The following NPRL3 variants were observed in gnomAD, a reference collection of about 807,000 sequenced individuals.
NPRL3 encodes the protein NPR3 like, GATOR1 complex subunit.
In NPRL3, 23 loss-of-function variants were observed where a neutral mutation model predicts 57.2. The observed-to-expected ratio is 0.40, with a 90% confidence interval of 0.29 to 0.57. NPRL3 has a LOEUF of 0.57. NPRL3 is among the 20% of genes least tolerant of loss of function. NPRL3 has a pLI of 0.42. For missense variants in NPRL3, 691 were observed against 767.1 expected (o/e 0.90, Z 1.17); for synonymous variants, 333 against 321.1 (o/e 1.04, Z -0.39).
In NPRL3 at chr16:89,700, C is replaced by T; in HGVS notation, c.1351+13G>A. On this transcript the variant is annotated intron_variant, in intron 12 of 13. Transcript: ENST00000611875. ...CTCCCCTGACTACCACAGCGGTGCC[C>T]TGGGGGTCCTACTTGGGGAGCCAAA... The T allele has an allele frequency of 6.4e-7, 1 of 1,554,158 alleles. No homozygotes were observed.
intron 12 of NPRL3, chr16:89,500 C>G: frequency 1.9e-6 from 1 of 518,800 alleles, no homozygotes; most frequent in Non-Finnish European, 3.3e-6. Flanking sequence ...AGCAAGCCTG[C>G]TGAAGAGCCC....
chr16:87,712 G>A (rs972382143), intron 13 of NPRL3, among the ~76,000 whole-genome samples: 5 of 151,944 alleles, frequency 3.3e-5, no homozygotes, highest in African/African-American at 1.2e-4. Flanking sequence ...TGGGACTACA[G>A]GCGCCCGCCA....
At position 119,273 on chromosome 16, in the gene NPRL3, G is replaced by C; in HGVS notation, c.189-18C>G. Reference sequence around the variant, plus strand: ...CTGAAAACCTTAAAATTTAAGAGAGGTAGAATAAAAATAAGTTAACAAAAT... The same window carrying C: ...CTGAAAACCTTAAAATTTAAGAGAGCTAGAATAAAAATAAGTTAACAAAAT... On this transcript the variant is annotated intron_variant, in intron 3 of 13. Coordinates refer to ENST00000611875, the MANE Select transcript of NPRL3 (RefSeq NM_001077350.3). 1 of 1,590,280 alleles carries C rather than the reference G, an allele frequency of 6.3e-7. No homozygotes were observed. Among genetic ancestry groups the C allele is most frequent in the East Asian group, 2.3e-5 (1 of 43,816 alleles).
At chr16:88,400 A>AAAAAG (rs1898596485) in intron 13 of NPRL3, among the ~76,000 whole-genome samples, 1 of 152,030 alleles carries the variant, frequency 6.6e-6, no homozygotes, top group African/African-American at 2.4e-5. Context: ...AAAAAAAAAA[A>AAAAAG]AAAAAAAAGA....
chr16:93,392 C>T (rs1567131223), intron 9 of NPRL3, 67 bp from the exon 10 acceptor site: 12 of 1,080,170 alleles, frequency 1.1e-5, no homozygotes, highest in Non-Finnish European at 1.3e-5. Flanking sequence ...GTCAGCAGCT[C>T]TCAGCCTGGG....
chr16:96,418 G>T (rs1488948512), intron 9 of NPRL3, among the ~76,000 whole-genome samples: 27 of 152,148 alleles, frequency 1.8e-4, no homozygotes, highest in Admixed American at 1.8e-3. Context: ...ACTCTGCAGG[G>T]TTGTATGGAG....
chr16:122,166 G>A (rs953606286), intron 3 of NPRL3, among the ~76,000 whole-genome samples: 2 of 151,850 alleles, frequency 1.3e-5, no homozygotes, highest in Non-Finnish European at 2.9e-5. Context: ...GCGCAATCTC[G>A]GCTCACTGAA....
chr16:112,732 G>T lies in NPRL3; in HGVS notation c.437C>A (p.Ser146Tyr). Residue 146 changes from serine (S) to tyrosine (Y), a missense_variant, in exon 6 of 14, where the codon TCC (serine) becomes TAC (tyrosine). Ser to Tyr is a moderately radical substitution (Grantham distance 144). Transcript: ENST00000611875. ...CTGCAGCACGGTGGCGATACGACGG[G>T]ACAGGTTATGCAGACAGTTTATCAC... ...PSVINCLHNL[S>Y]RRIATVLQHE... 1 of 1,612,238 alleles carries T rather than the reference G, an allele frequency of 6.2e-7. No individual in the cohort carries two copies. Among genetic ancestry groups the T allele is most frequent in the Non-Finnish European group, 8.5e-7 (1 of 1,178,838 alleles).
intron 7 of NPRL3, among the ~76,000 whole-genome samples, chr16:103,296 ATTT>A (rs533871530): frequency 0.015 from 650 of 42,048 alleles, 42 homozygotes; most frequent in East Asian, 0.055. Context: ...GCCTGGGGTG[ATTT>A]TTTTTTTTTT....
chr16:138,170 T>C lies in NPRL3; in HGVS notation c.98A>G (p.Glu33Gly), dbSNP rs781311988. ...LFRYPFQRSQ[E>G]HPASQTSKPR... ...CTTACTTGTCTGGGACGCCGGGTGC[T>C]CCTGGCTTCTCTGGAAGGGGTACCT... The change falls in exon 2 of 14, where the codon GAG (glutamate) becomes GGG (glycine). Residue 33 changes from glutamate (E) to glycine (G), a missense_variant. Physicochemically the swap from Glu to Gly is moderately conservative, Grantham distance 98. Coordinates refer to ENST00000611875, the MANE Select transcript of NPRL3 (RefSeq NM_001077350.3). 6.2e-7 allele frequency: 1 copy of C among 1,606,864 alleles called. No individual in the cohort carries two copies. Among genetic ancestry groups the C allele is most frequent in the Admixed American group, 1.7e-5 (1 of 59,236 alleles).
At chr16:135,070 C>T (rs1372842233) in intron 2 of NPRL3, among the ~76,000 whole-genome samples, 1 of 152,114 alleles carries the variant, frequency 6.6e-6, no homozygotes, top group African/African-American at 2.4e-5. Flanking sequence ...AAAAATAGAT[C>T]CAAGTAAACG....
chr16:136,384 G>C (rs1375552802), intron 2 of NPRL3, among the ~76,000 whole-genome samples: 3 of 152,160 alleles, frequency 2.0e-5, no homozygotes, highest in Admixed American at 6.5e-5. Context: ...CTTTGCTTGT[G>C]CTTAGAAAAA....
intron 3 of NPRL3, among the ~76,000 whole-genome samples, chr16:121,843 C>T (rs927285551): frequency 2.0e-5 from 3 of 151,954 alleles, no homozygotes; most frequent in Non-Finnish European, 4.4e-5. Flanking sequence ...GACGTAATCT[C>T]GGCTCACTGC....
intron 13 of NPRL3, among the ~76,000 whole-genome samples, chr16:88,495 T>C (rs985996588): frequency 6.6e-6 from 1 of 151,856 alleles, no homozygotes; most frequent in Non-Finnish European, 1.5e-5. Context: ...GCCAGGCCCA[T>C]GGCCCGGCGT....
chr16:110,563 C>T lies in NPRL3; in HGVS notation c.591G>A (p.Lys197=), dbSNP rs776506827. 3.1e-6 allele frequency: 5 copies of T among 1,612,348 alleles called. No homozygotes were observed. Among genetic ancestry groups the T allele is most frequent in the South Asian group, 1.1e-5 (1 of 90,532 alleles). The change falls in exon 7 of 14, where the codon AAG becomes AAA. Residue 197 remains lysine (K), a synonymous_variant. Transcript: ENST00000611875. ...CCTTGAGGTCCCTGGCCAGCTTGCACTTGGGCAGGATGTGATGGAATGGGG... is the reference window on the plus strand; with the variant it reads ...CCTTGAGGTCCCTGGCCAGCTTGCATTTGGGCAGGATGTGATGGAATGGGG... The part of the protein sequence containing the change: ...PQSPFHHILP[K]CKLARDLKEA...
At chr16:129,629 C>A (rs1022548748) in intron 3 of NPRL3, among the ~76,000 whole-genome samples, 1 of 152,132 alleles carries the variant, frequency 6.6e-6, no homozygotes, top group East Asian at 1.9e-4. Flanking sequence ...CCAGCCTGGG[C>A]AACAAAGCAA....
intron 7 of NPRL3, among the ~76,000 whole-genome samples, chr16:105,228 G>T (rs766229155): frequency 6.6e-6 from 1 of 152,144 alleles, no homozygotes. Context: ...ACACACTCTC[G>T]CCGTTCATCT....
At chr16:110,017 A>T (rs1053370126) in intron 7 of NPRL3, among the ~76,000 whole-genome samples, 2 of 152,110 alleles carry the variant, frequency 1.3e-5, no homozygotes, top group African/African-American at 2.4e-5. Context: ...TGCTCACGCC[A>T]GTAATCCCAA....
intron 9 of NPRL3, among the ~76,000 whole-genome samples, chr16:95,286 A>G (rs1898938962): frequency 6.7e-6 from 1 of 149,594 alleles, no homozygotes; most frequent in African/African-American, 2.5e-5. Context: ...ATACAGCACG[A>G]TCCTAATTTT....
Sources: gnomAD v4.1 joint callset for allele counts (sites outside exome capture counted in the v4.1 genomes callset) on GRCh38, gnomAD v4.1.1 for gene constraint, MANE v1.5 for transcripts, NCBI Gene and HGNC (gene_info 2026-07-23, HGNC 2026-07-21) for gene names.